The following CCDC171 variants were observed in gnomAD, a reference collection of about 807,000 sequenced individuals.
CCDC171 encodes coiled-coil domain-containing protein 171.
Under a neutral mutation model 168.2 loss-of-function variants are expected in CCDC171, and 177 were observed. That is an observed-to-expected ratio of 1.05 (90% CI 0.93 to 1.19). CCDC171 has a LOEUF of 1.19. Ranked by LOEUF, CCDC171 falls within the 50% of genes most tolerant of loss-of-function variation. The pLI is 0.00. For synonymous variants in CCDC171, 687 were observed against 540.8 expected (o/e 1.27, Z -3.75); for missense variants, 1,991 against 1,539.0 (o/e 1.29, Z -4.91).
chr9:15,731,826 T>C (rs1193829171), intron 16 of CCDC171, among the ~76,000 whole-genome samples: 1 of 152,082 alleles, frequency 6.6e-6, no homozygotes, highest in Non-Finnish European at 1.5e-5. Flanking sequence ...ACATGTAAGT[T>C]TCCATTGTTC....
chr9:15,911,762 A>G (rs1390934008), intron 24 of CCDC171, among the ~76,000 whole-genome samples: 2 of 152,216 alleles, frequency 1.3e-5, no homozygotes, highest in African/African-American at 2.4e-5. Flanking sequence ...AGTTTTCTGC[A>G]TATGGCTAGC....
intron 9 of CCDC171, among the ~76,000 whole-genome samples, chr9:15,675,970 C>G (rs1226034470): frequency 6.6e-6 from 1 of 152,170 alleles, no homozygotes; most frequent in Non-Finnish European, 1.5e-5. Flanking sequence ...AGAGTGTTTT[C>G]TAACTTGGTT....
intron 24 of CCDC171, among the ~76,000 whole-genome samples, chr9:15,876,340 C>T (rs980445961): frequency 2.0e-5 from 3 of 152,032 alleles, no homozygotes; most frequent in Admixed American, 2.0e-4. Flanking sequence ...ACAGTTTCAG[C>T]GAACACTTAA....
intron 1 of CCDC171, among the ~76,000 whole-genome samples, chr9:16,045,887 C>T (rs1045508801): frequency 2.0e-5 from 3 of 152,164 alleles, no homozygotes; most frequent in African/African-American, 7.2e-5. Flanking sequence ...TAAACCCAGG[C>T]TCTACTTCCC....
chr9:15,652,812 A>T (rs1008729006), intron 7 of CCDC171, among the ~76,000 whole-genome samples: 1 of 152,060 alleles, frequency 6.6e-6, no homozygotes, highest in Admixed American at 6.6e-5. Context: ...CTTTTTCAAG[A>T]TTGTCATGTT....
chr9:15,627,116 A>C (rs1247202056), intron 7 of CCDC171, among the ~76,000 whole-genome samples: 1 of 152,168 alleles, frequency 6.6e-6, no homozygotes, highest in Admixed American at 6.5e-5. Flanking sequence ...AGGTGTTCAT[A>C]GTATTCTCTG....
At chr9:15,760,903 G>A (rs1490836559) in intron 18 of CCDC171, among the ~76,000 whole-genome samples, 2 of 151,968 alleles carry the variant, frequency 1.3e-5, no homozygotes, top group African/African-American at 4.8e-5. Context: ...ACCTCTTCTC[G>A]GTATCCAAAT....
chr9:15,988,790 C>T (rs528728972), intron 3 of CCDC171, among the ~76,000 whole-genome samples: 8 of 152,232 alleles, frequency 5.3e-5, no homozygotes, highest in Non-Finnish European at 1.0e-4. Flanking sequence ...TATCCCGCGC[C>T]TGGCTCGGAG....
At chr9:15,758,427 C>G (rs1334006336) in intron 18 of CCDC171, among the ~76,000 whole-genome samples, 1 of 152,198 alleles carries the variant, frequency 6.6e-6, no homozygotes, top group Non-Finnish European at 1.5e-5. Context: ...GCCTGTACCT[C>G]CACTGTATCT....
chr9:15,685,579 G>A (rs2050336604), intron 10 of CCDC171, among the ~76,000 whole-genome samples: 1 of 152,080 alleles, frequency 6.6e-6, no homozygotes, highest in Non-Finnish European at 1.5e-5. Flanking sequence ...AGGCTGCAGT[G>A]AGCCATGATT....
chr9:15,795,992 T>TA (rs1474554987), intron 21 of CCDC171, among the ~76,000 whole-genome samples: 1 of 152,180 alleles, frequency 6.6e-6, no homozygotes, highest in African/African-American at 2.4e-5. Context: ...AAGACTTTTA[T>TA]AAAAAAATTC....
At position 15,874,595 on chromosome 9, in the gene CCDC171, C is replaced by T. The variant is rs144862865; in HGVS notation, c.3532C>T (p.Pro1178Ser). 913 of 1,607,094 alleles carry T rather than the reference C, an allele frequency of 5.7e-4. 9 individuals carry two copies. The East Asian group carries it at 0.019, about 34-fold the overall frequency. ...TAGGAATGACTTCACCCTACAGCTACCCAAACTGCACCTGGAGACCTTTGC... is the reference window on the plus strand; with the variant it reads ...TAGGAATGACTTCACCCTACAGCTATCCAAACTGCACCTGGAGACCTTTGC... ...ASRNDFTLQL[P>S]KLHLETFAME... The change falls in exon 24 of 26, where the codon CCC becomes TCC. Residue 1178 changes from proline to serine, a missense_variant. By Grantham distance (74) the Pro-to-Ser change is moderately conservative (BLOSUM62 -1). Transcript: ENST00000380701.
intron 4 of CCDC171, among the ~76,000 whole-genome samples, chr9:15,587,956 G>T (rs1204742692): frequency 1.3e-5 from 2 of 152,172 alleles, no homozygotes; most frequent in Admixed American, 6.6e-5. Flanking sequence ...AAAATATGAG[G>T]CCAGGCGCGG....
chr9:15,846,958 A>G, intron 22 of CCDC171, 111 bp downstream of exon 22: 1 of 857,864 alleles, frequency 1.2e-6, no homozygotes, highest in South Asian at 2.5e-5. Context: ...ACAAAAGTAC[A>G]GCTGTCTTTC....
chr9:15,813,980 G>C (rs536547750), intron 21 of CCDC171, among the ~76,000 whole-genome samples: 57 of 152,296 alleles, frequency 3.7e-4, no homozygotes, highest in African/African-American at 1.3e-3. Context: ...ATAGGGACCT[G>C]TGATTTGCAG....
intron 24 of CCDC171, among the ~76,000 whole-genome samples, chr9:15,902,745 C>G (rs1028985682): frequency 1.3e-5 from 2 of 152,204 alleles, no homozygotes; most frequent in Admixed American, 6.5e-5. Context: ...ATCACCTCAC[C>G]TGGGAAGCAC....
intron 3 of CCDC171, among the ~76,000 whole-genome samples, chr9:16,002,536 TG>T (rs1832583192): frequency 1.3e-5 from 2 of 152,330 alleles, no homozygotes; most frequent in African/African-American, 4.8e-5. Flanking sequence ...AGAGTCAAAA[TG>T]TTTTCTTAAA....
the CCDC171 span, among the ~76,000 whole-genome samples, chr9:16,083,271 T>A: frequency 6.6e-6 from 1 of 152,206 alleles, no homozygotes; most frequent in African/African-American, 2.4e-5. Context: ...GCATACACTG[T>A]TATCCCTGCC....
intron 21 of CCDC171, among the ~76,000 whole-genome samples, chr9:15,812,514 C>T (rs2059400636): frequency 1.3e-5 from 2 of 151,902 alleles, no homozygotes; most frequent in South Asian, 2.1e-4. Flanking sequence ...TTTGGGCCCT[C>T]AAATATTTGA....
Sources: allele counts gnomAD v4.1 joint callset (sites outside exome capture counted in the v4.1 genomes callset), GRCh38; gene constraint gnomAD v4.1.1; transcripts MANE v1.5; gene names NCBI Gene and HGNC (gene_info 2026-07-23, HGNC 2026-07-21).